The following DMD variants were observed in gnomAD, a reference collection of about 807,000 sequenced individuals.
The protein encoded by DMD is mutant dystrophin.
In DMD, 63 loss-of-function variants were observed where a neutral mutation model predicts 330.1. The observed-to-expected ratio is 0.19, with a 90% CI of 0.16 to 0.24. The LOEUF is 0.24. DMD is among the 10% of genes least tolerant of loss of function. The pLI is 1.00. For synonymous variants in DMD, 1,223 were observed against 959.8 expected (o/e 1.27, Z -5.07); for missense variants, 3,344 against 2,684.1 (o/e 1.25, Z -5.43).
intron 53 of DMD, among the ~76,000 whole-genome samples, chrX:31,664,816 T>C (rs751419912): frequency 9.1e-6 from 1 of 109,640 alleles, no homozygotes; most frequent in African/African-American, 3.3e-5. Context: ...TCCACCTACA[T>C]ACAACTGCGT....
intron 9 of DMD, among the ~76,000 whole-genome samples, chrX:32,646,254 A>G (rs1291908550): frequency 9.0e-6 from 1 of 111,579 alleles, no homozygotes; most frequent in Non-Finnish European, 1.9e-5. Flanking sequence ...AAAGGCATTT[A>G]TCAAGGGCAA....
chrX:32,740,916 A>T (rs971553878), intron 7 of DMD, among the ~76,000 whole-genome samples: 1 of 111,731 alleles, frequency 9.0e-6, no homozygotes, highest in Non-Finnish European at 1.9e-5. Flanking sequence ...GATTCAAATC[A>T]AGTTATTTAT....
chrX:33,205,203 A>G (rs895855233), intron 1 of DMD, among the ~76,000 whole-genome samples: 1 of 112,545 alleles, frequency 8.9e-6, no homozygotes. Context: ...CATGTGAGTC[A>G]TTGGGATTCA....
chrX:31,509,669 T>A (rs1449852778), intron 55 of DMD, among the ~76,000 whole-genome samples: 1 of 112,219 alleles, frequency 8.9e-6, no homozygotes, highest in Non-Finnish European at 1.9e-5. Flanking sequence ...TTCTCAAGCA[T>A]AAATAGGATG....
At chrX:33,231,298 T>C (rs751110987) in intron 1 of DMD, among the ~76,000 whole-genome samples, 2 of 111,648 alleles carry the variant, frequency 1.8e-5, no homozygotes, top group Admixed American at 9.6e-5. Context: ...CAACCCTTAC[T>C]TCTTGAGCGA....
Position 32,594,373 on chromosome X carries a change from C to T in DMD, c.1602+1384G>A, listed in dbSNP as rs955639201. Among the ~76,000 whole-genome samples, 16 of 110,946 alleles carry T rather than the reference C, an allele frequency of 1.4e-4. No homozygotes were observed. The East Asian group carries it at 2.3e-3, about 16-fold the overall frequency. ...ATTGTGGTGATGAGGGATGCCAGGG[C>T]GAAGGAAGAGAAGGCGTGAGATGGG... On this transcript the variant is annotated intron_variant, in intron 13 of 78. Coordinates refer to ENST00000357033, the MANE Select transcript of DMD (RefSeq NM_004006.3).
intron 60 of DMD, among the ~76,000 whole-genome samples, chrX:31,356,374 T>C (rs2058677739): frequency 9.0e-6 from 1 of 110,792 alleles, no homozygotes; most frequent in African/African-American, 3.3e-5. Flanking sequence ...TTCTGTCCTT[T>C]CTCCTCCAGC....
chrX:32,580,998 T>G (rs1203228127), intron 13 of DMD, among the ~76,000 whole-genome samples: 1 of 110,784 alleles, frequency 9.0e-6, no homozygotes. Flanking sequence ...GGCTCTTTTT[T>G]GTATTTTAGT....
At chrX:31,314,742 C>CAGAGAGAGAGAGAGAGAAAGAGAGAG (rs2055831517) in intron 62 of DMD, among the ~76,000 whole-genome samples, 2 of 55,283 alleles carry the variant, frequency 3.6e-5, no homozygotes, top group African/African-American at 8.5e-5. Flanking sequence ...AATACATACA[C>CAGAGAGAGAGAGAGAGAAAGAGAGAG]AGAGAGAGAG....
intron 39 of DMD, 43 bp from the exon 40 acceptor site, chrX:32,343,329 A>G: frequency 9.2e-7 from 1 of 1,089,075 alleles, no homozygotes; most frequent in Non-Finnish European, 1.3e-6. Flanking sequence ...ATATATATGT[A>G]TAGTGCACTT....
At chrX:33,140,773 G>A (rs1485255660) in intron 1 of DMD, among the ~76,000 whole-genome samples, 3 of 112,148 alleles carry the variant, frequency 2.7e-5, no homozygotes, top group Non-Finnish European at 5.6e-5. Context: ...GTATAAGTAA[G>A]CTATCCTGCA....
intron 7 of DMD, among the ~76,000 whole-genome samples, chrX:32,749,697 T>G (rs1208920732): frequency 1.8e-5 from 2 of 112,524 alleles, no homozygotes; most frequent in Non-Finnish European, 3.8e-5. Flanking sequence ...TGAAGGCTTT[T>G]AGGGTTCCCA....
At chrX:32,760,170 AT>A (rs1258333050) in intron 7 of DMD, among the ~76,000 whole-genome samples, 1 of 111,924 alleles carries the variant, frequency 8.9e-6, no homozygotes, top group Non-Finnish European at 1.9e-5. Context: ...TACATACCCA[AT>A]TATTAGGTAA....
chrX:32,263,934 C>G (rs2097333767), intron 43 of DMD, among the ~76,000 whole-genome samples: 1 of 112,105 alleles, frequency 8.9e-6, no homozygotes, highest in African/African-American at 3.2e-5. Context: ...CAAGAGACTA[C>G]TGCTCTCAGC....
chrX:32,228,937 A>G (rs6653580), intron 43 of DMD, among the ~76,000 whole-genome samples: 2,544 of 111,708 alleles, frequency 0.023, 74 homozygotes, highest in African/African-American at 0.079. Flanking sequence ...GATTAAATAT[A>G]CTCCACAGCA....
intron 6 of DMD, among the ~76,000 whole-genome samples, chrX:32,813,595 T>C (rs1050533412): frequency 3.5e-4 from 39 of 112,107 alleles, no homozygotes; most frequent in African/African-American, 1.1e-3. Context: ...ATTATTTTGC[T>C]GTAATGTTAA....
chrX:32,123,234 TATATATATAA>T (rs2096646032), intron 44 of DMD, among the ~76,000 whole-genome samples: 1 of 84,551 alleles, frequency 1.2e-5, no homozygotes, highest in African/African-American at 4.3e-5. Context: ...TATATATATA[TATATATATAA>T]ATGATCAAAA....
At chrX:31,437,450 C>T (rs759500535) in intron 60 of DMD, among the ~76,000 whole-genome samples, 5 of 111,270 alleles carry the variant, frequency 4.5e-5, no homozygotes, top group East Asian at 2.8e-4. Context: ...TTTCTGGGGG[C>T]GGATTGGTTT....
At chrX:32,472,452 G>A (rs2040757168) in intron 21 of DMD, 143 bp from the exon 22 acceptor site, 1 of 562,780 alleles carries the variant, frequency 1.8e-6, no homozygotes, top group Admixed American at 3.2e-5. Context: ...TATTTAATAT[G>A]ATTATGAAGA....
Sources: gnomAD v4.1 joint callset for allele counts (sites outside exome capture counted in the v4.1 genomes callset) on GRCh38, gnomAD v4.1.1 for gene constraint, MANE v1.5 for transcripts, NCBI Gene and HGNC (gene_info 2026-07-23, HGNC 2026-07-21) for gene names.